The following PCDHA5 variants were observed in gnomAD, a reference collection of about 807,000 sequenced individuals.
PCDHA5 encodes the protein protocadherin alpha 5, also known as protocadherin alpha-5.
In PCDHA5, 43 loss-of-function variants were observed where a neutral mutation model predicts 61.6. The ratio of observed to expected loss-of-function variants is 0.70; its 90% confidence interval spans 0.55 to 0.90. PCDHA5 has a LOEUF of 0.90. PCDHA5 is among the 40% of genes least tolerant of loss of function. PCDHA5 has a pLI of 0.00. For synonymous variants in PCDHA5, 627 were observed against 543.9 expected (o/e 1.15, Z -2.13); for missense variants, 1,298 against 1,222.7 (o/e 1.06, Z -0.92).
At chr5:140,999,138 C>T (rs530740266) in intron 3 of PCDHA5, among the ~76,000 whole-genome samples, 1 of 152,140 alleles carries the variant, frequency 6.6e-6, no homozygotes, top group Non-Finnish European at 1.5e-5. Flanking sequence ...AATGTCACAG[C>T]CGGAAGTCTT....
intron 1 of PCDHA5, chr5:140,827,916 T>C: frequency 1.1e-6 from 1 of 884,046 alleles, no homozygotes; most frequent in Non-Finnish European, 1.7e-6. Context: ...ATGATGTCGC[T>C]GTCTACCATG....
At chr5:140,824,706 C>T (rs1214365803) in intron 1 of PCDHA5, 3 of 149,174 alleles carry the variant, frequency 2.0e-5, no homozygotes, top group Admixed American at 6.7e-5. Flanking sequence ...GCCATGCTCC[C>T]GTCTCAGCCT....
chr5:140,903,146 C>A (rs2070035349), intron 1 of PCDHA5, among the ~76,000 whole-genome samples: 1 of 152,178 alleles, frequency 6.6e-6, no homozygotes, highest in South Asian at 2.1e-4. Flanking sequence ...AAACTGTTTT[C>A]CATAGTGGTT....
chr5:140,856,308 C>G, intron 1 of PCDHA5: 1 of 1,598,620 alleles, frequency 6.3e-7, no homozygotes, highest in Non-Finnish European at 8.6e-7. Context: ...TTTGTGAATT[C>G]TCGGATTGAC....
At chr5:140,965,521 G>A (rs1554227745) in intron 1 of PCDHA5, among the ~76,000 whole-genome samples, 2 of 150,836 alleles carry the variant, frequency 1.3e-5, no homozygotes, top group East Asian at 3.9e-4. Flanking sequence ...TAACTGCAAA[G>A]CATTAATGGA....
chr5:140,998,228 T>G (rs528236708), intron 3 of PCDHA5, among the ~76,000 whole-genome samples: 1 of 152,288 alleles, frequency 6.6e-6, no homozygotes, highest in East Asian at 1.9e-4. Flanking sequence ...ACCCAGAAAT[T>G]TGTGCATTAT....
intron 1 of PCDHA5, chr5:140,836,377 T>C (rs2150259122): frequency 1.2e-6 from 2 of 1,613,612 alleles, no homozygotes; most frequent in Non-Finnish European, 1.7e-6. Context: ...ACAGCCACCG[T>C]GCTGGTGTCG....
At chr5:140,831,018 G>C (rs1251776319) in intron 1 of PCDHA5, 1 of 152,212 alleles carries the variant, frequency 6.6e-6, no homozygotes, top group Non-Finnish European at 1.5e-5. Flanking sequence ...TCCCTTTTCA[G>C]ACTTGTGATT....
intron 1 of PCDHA5, chr5:140,861,255 C>T (rs533071435): frequency 3.0e-5 from 5 of 166,616 alleles, no homozygotes; most frequent in African/African-American, 4.8e-5. Context: ...GGCCAGGAAT[C>T]CCGGAGCCTA....
At chr5:140,998,687 C>T (rs922040842) in intron 3 of PCDHA5, among the ~76,000 whole-genome samples, 9 of 152,042 alleles carry the variant, frequency 5.9e-5, no homozygotes, top group Non-Finnish European at 1.5e-5. Flanking sequence ...GCCTCAGCCT[C>T]CCAAGTAGCT....
At chr5:140,890,374 A>G (rs1045149611) in intron 1 of PCDHA5, among the ~76,000 whole-genome samples, 1 of 152,000 alleles carries the variant, frequency 6.6e-6, no homozygotes, top group South Asian at 2.1e-4. Context: ...CTGAACAAGT[A>G]CTCTTTCTTA....
At chr5:140,917,324 C>CGGG (rs1299895515) in intron 1 of PCDHA5, among the ~76,000 whole-genome samples, 10 of 76,182 alleles carry the variant, frequency 1.3e-4, no homozygotes, top group South Asian at 4.5e-4. Flanking sequence ...GTTCATGTGG[C>CGGG]GGGGGAGGGG....
At chr5:140,835,996 G>A (rs782367355) in intron 1 of PCDHA5, 2 of 1,613,272 alleles carry the variant, frequency 1.2e-6, no homozygotes, top group South Asian at 1.1e-5. Flanking sequence ...GTGAGCGCGC[G>A]CGATGCGGGC....
At chr5:140,864,058 A>C (rs993804326) in intron 1 of PCDHA5, 3 of 152,692 alleles carry the variant, frequency 2.0e-5, no homozygotes, top group Non-Finnish European at 1.5e-5. Context: ...TACAGTCACC[A>C]TGAACATTCT....
At chr5:140,983,734 G>A (rs1194473513) in intron 3 of PCDHA5, among the ~76,000 whole-genome samples, 15 of 152,170 alleles carry the variant, frequency 9.9e-5, no homozygotes, top group African/African-American at 3.4e-4. Context: ...TAACATGGCT[G>A]GCTTGCAATA....
chr5:140,870,409 G>T, intron 1 of PCDHA5: 1 of 1,614,226 alleles, frequency 6.2e-7, no homozygotes, highest in South Asian at 1.1e-5. Context: ...TTCTCTGTGG[G>T]CCACGGCCAG....
At chr5:140,953,948 C>T (rs1012464637) in intron 1 of PCDHA5, among the ~76,000 whole-genome samples, 1 of 152,092 alleles carries the variant, frequency 6.6e-6, no homozygotes, top group Non-Finnish European at 1.5e-5. Flanking sequence ...CATTGCTCCC[C>T]CAACAGGCCC....
chr5:140,867,814 A>G (rs1277915043), intron 1 of PCDHA5: 1 of 152,106 alleles, frequency 6.6e-6, no homozygotes, highest in East Asian at 1.9e-4. Flanking sequence ...ATGAAATTCC[A>G]TTTCCACAAG....
chr5:141,000,385 CTCTCTCTCTCTA>C (rs1405113604), intron 3 of PCDHA5, among the ~76,000 whole-genome samples: 12 of 64,976 alleles, frequency 1.8e-4, no homozygotes, highest in Admixed American at 6.0e-4. Context: ...CTCTCTCTCT[CTCTCTCTCTCTA>C]TATATATATA....
Sources: gnomAD v4.1 joint callset for allele counts (sites outside exome capture counted in the v4.1 genomes callset) on GRCh38, gnomAD v4.1.1 for gene constraint, MANE v1.5 for transcripts, NCBI Gene and HGNC (gene_info 2026-07-23, HGNC 2026-07-21) for gene names.